GALNT8: variants seen among roughly 807,000 people sequenced by gnomAD.
The protein encoded by GALNT8 is polypeptide N-acetylgalactosaminyltransferase 8, also known as probable polypeptide N-acetylgalactosaminyltransferase 8.
A neutral mutation model predicts 62.7 loss-of-function variants in GALNT8; 66 were observed. The observed-to-expected ratio is 1.05, with a 90% CI of 0.86 to 1.29. GALNT8 has a LOEUF of 1.29. Among genes scored for constraint, GALNT8 ranks in the 50% most tolerant of loss-of-function variants. The pLI is 0.00. For synonymous variants in GALNT8, 288 were observed against 294.3 expected (o/e 0.98, Z 0.22); for missense variants, 771 against 791.8 (o/e 0.97, Z 0.32).
At chr12:4,771,587 G>A (rs1281830713) in intron 10 of GALNT8, among the ~76,000 whole-genome samples, 1 of 152,156 alleles carries the variant, frequency 6.6e-6, no homozygotes, top group Non-Finnish European at 1.5e-5. Context: ...GGAACAGTGA[G>A]GTCAGGGTTT....
intron 4 of GALNT8, 69 bp downstream of exon 4, chr12:4,744,769 A>C: frequency 9.7e-7 from 1 of 1,034,270 alleles, no homozygotes. Flanking sequence ...ACTGAACACA[A>C]GACAGGATAC....
At position 4,744,698 on chromosome 12, in the gene GALNT8, G is replaced by A. The variant is rs147703667; in HGVS notation, c.858G>A (p.Gly286=). Residue 286 remains glycine (G), a splice_region_variant and synonymous_variant, in exon 4 of 11, where the codon GGG becomes GGA. Transcript: ENST00000252318. The part of the protein sequence containing the change: ...ILDAHIEVNV[G]WAEPILARIQ... ...ATGCTCACATTGAAGTCAATGTTGG[G>A]TGGTAAGGCTCAAAGAGGCTAGTTC... 421 of 1,606,598 alleles carry A rather than the reference G, an allele frequency of 2.6e-4. 1 individual carries two copies. In the African/African-American group the frequency reaches 5.0e-3, roughly 19 times the overall value.
At chr12:4,729,986 A>G (rs1372219298) in intron 2 of GALNT8, among the ~76,000 whole-genome samples, 1 of 152,140 alleles carries the variant, frequency 6.6e-6, no homozygotes, top group Non-Finnish European at 1.5e-5. Context: ...AATATATGGA[A>G]CATTTTTTTC....
At chr12:4,725,373 G>A (rs1019555722) in intron 1 of GALNT8, among the ~76,000 whole-genome samples, 2 of 152,062 alleles carry the variant, frequency 1.3e-5, no homozygotes, top group African/African-American at 4.8e-5. Context: ...CTCTGCCTGG[G>A]TCTATCACTA....
At chr12:4,758,929 C>T (rs1305845659) in intron 6 of GALNT8, among the ~76,000 whole-genome samples, 1 of 151,964 alleles carries the variant, frequency 6.6e-6, no homozygotes, top group Admixed American at 6.6e-5. Context: ...GTGTGCACCA[C>T]CACACCAGGC....
At chr12:4,753,281 C>G (rs183698788) in intron 6 of GALNT8, among the ~76,000 whole-genome samples, 4 of 152,248 alleles carry the variant, frequency 2.6e-5, no homozygotes, top group Non-Finnish European at 5.9e-5. Context: ...TCTACCTCCT[C>G]TTTCAGGCCT....
At chr12:4,761,813 G>A (rs1479089551) in intron 7 of GALNT8, among the ~76,000 whole-genome samples, 1 of 152,080 alleles carries the variant, frequency 6.6e-6, no homozygotes, top group African/African-American at 2.4e-5. Flanking sequence ...CTCTGGCTCC[G>A]GGCCAGAGCA....
intron 3 of GALNT8, among the ~76,000 whole-genome samples, chr12:4,740,423 A>G (rs1311574031): frequency 3.3e-5 from 5 of 150,426 alleles, no homozygotes; most frequent in African/African-American, 9.8e-5. Flanking sequence ...ACGTGTGTTA[A>G]CTTTTTTTTT....
rs372359115 is a variant in GALNT8, at chr12:4,760,915, A to C, written c.1174-43A>C. The C allele has an allele frequency of 6.5e-6, 10 of 1,547,954 alleles. No individual in the cohort carries two copies. In the African/African-American group the frequency reaches 9.5e-5, roughly 15 times the overall value. ...CTTGTGTCAATAAGCTATGCAATTC[A>C]TTGGCTGTGAAGCACGGGTGATTTT... On this transcript the variant is annotated intron_variant, in intron 6 of 10. Coordinates refer to ENST00000252318, the MANE Select transcript of GALNT8 (RefSeq NM_017417.2).
intron 10 of GALNT8, among the ~76,000 whole-genome samples, chr12:4,768,033 T>C (rs1053138586): frequency 2.0e-5 from 3 of 152,200 alleles, no homozygotes; most frequent in Admixed American, 6.5e-5. Flanking sequence ...TGATGAGCTG[T>C]ATTTACAAAT....
At chr12:4,759,738 T>G (rs942626316) in intron 6 of GALNT8, among the ~76,000 whole-genome samples, 1 of 152,028 alleles carries the variant, frequency 6.6e-6, no homozygotes, top group Non-Finnish European at 1.5e-5. Context: ...TCTCAGGTGC[T>G]CCCATTGGCA....
intron 6 of GALNT8, among the ~76,000 whole-genome samples, chr12:4,758,919 G>T (rs1371603378): frequency 6.6e-6 from 1 of 151,966 alleles, no homozygotes; most frequent in Non-Finnish European, 1.5e-5. Context: ...GGAATTACAG[G>T]TGTGCACCAC....
At position 4,746,219 on chromosome 12, in the gene GALNT8, G is replaced by A. The variant is rs1946299043; in HGVS notation, c.1134G>A (p.Met378Ile). Residue 378 changes from methionine to isoleucine, a missense_variant, in exon 6 of 11, where the codon ATG becomes ATA. Physicochemically the swap from Met to Ile is conservative, Grantham distance 10 (BLOSUM62 1). Transcript: ENST00000252318. ...AGATCGGGTCTCTGGATGGTGGAAT[G>A]CTCATCTATGGAGGAGAGAACGTGG... The part of the protein sequence containing the change: ...LGEIGSLDGG[M>I]LIYGGENVEL... 2 of 1,611,902 alleles carry A rather than the reference G, an allele frequency of 1.2e-6. No homozygotes were observed. Among genetic ancestry groups the A allele is most frequent in the African/African-American group, 2.7e-5 (2 of 74,970 alleles).
chr12:4,742,953 T>C (rs1432421604), intron 3 of GALNT8, among the ~76,000 whole-genome samples: 3 of 152,206 alleles, frequency 2.0e-5, no homozygotes, highest in African/African-American at 7.2e-5. Flanking sequence ...ACTCAGAATC[T>C]ATGGCTCATA....
At position 4,761,141 on chromosome 12, in the gene GALNT8, C is replaced by T. The variant is rs61758971; in HGVS notation, c.1357C>T (p.Gln453Ter). 600 of 1,612,600 alleles carry T rather than the reference C, an allele frequency of 3.7e-4. No individual in the cohort carries two copies. The highest frequency in any genetic ancestry group is 6.0e-4 in the Admixed American group (36 of 59,952). ...CTACTTGGCCTGGAACATACCTCTC[C>T]AGGTGAGTCATGGAATTGAACAGCA... ...MVYLAWNIPL[Q>*]NSGIDFGDVS... Residue 453 changes from glutamine (Q) to a stop codon, truncating the protein, a stop_gained and splice_region_variant, in exon 7 of 11, where the codon CAG (glutamine) becomes TAG (stop). Transcript: ENST00000252318. LOFTEE classifies it high-confidence loss of function.
At chr12:4,756,526 T>C (rs531758798) in intron 6 of GALNT8, among the ~76,000 whole-genome samples, 42 of 152,278 alleles carry the variant, frequency 2.8e-4, no homozygotes, top group South Asian at 1.9e-3. Flanking sequence ...GTTGTAATGC[T>C]GTCTCTGCTA....
At chr12:4,724,727 T>G (rs1235388937) in intron 1 of GALNT8, among the ~76,000 whole-genome samples, 2 of 152,258 alleles carry the variant, frequency 1.3e-5, no homozygotes. Context: ...CCCAAGTTTT[T>G]TCGACTATCC....
In GALNT8 at chr12:4,721,580, C is replaced by G. The variant is rs186932403; in HGVS notation, c.211+692C>G. ...CACATAAACATCTCAATGCCTTAAA[C>G]AGCAGTATTGCTGCCCGCATGTCCC... On this transcript the variant is annotated intron_variant, in intron 1 of 10. Coordinates refer to ENST00000252318, the MANE Select transcript of GALNT8 (RefSeq NM_017417.2). 5.1e-3 allele frequency among the ~76,000 whole-genome samples: 779 copies of G among 151,934 alleles called. 20 individuals carry two copies. The highest frequency in any genetic ancestry group is 0.043 in the Admixed American group (661 of 15,288).
rs540294952 is a variant in GALNT8, at chr12:4,750,701, GCTGGGTTGAATGGTATCT to G, written c.1173+4447_1173+4464del. Among the ~76,000 whole-genome samples the G allele has an allele frequency of 6.0e-3, 915 of 152,230 alleles. 1 individual carries two copies. The highest frequency in any genetic ancestry group is 0.016 in the African/African-American group (655 of 41,552). On this transcript the variant is annotated intron_variant, in intron 6 of 10. Coordinates refer to ENST00000252318, the MANE Select transcript of GALNT8 (RefSeq NM_017417.2). ...TGGGTATATACCCAGTAAAGGGATT[GCTGGGTTGAATGGTATCT>G]CTGTCTTTAGATCTTTGAGGAATCA... is the stretch of plus-strand genomic sequence containing the variant.
Sources: allele counts gnomAD v4.1 joint callset (sites outside exome capture counted in the v4.1 genomes callset), GRCh38; gene constraint gnomAD v4.1.1; transcripts MANE v1.5; gene names NCBI Gene and HGNC (gene_info 2026-07-23, HGNC 2026-07-21).